BICDL2: variants seen among roughly 807,000 people sequenced by gnomAD.
BICDL2 encodes the protein BICD family like cargo adaptor 2.
Under a neutral mutation model 56.6 loss-of-function variants are expected in BICDL2, and 62 were observed. The observed-to-expected ratio is 1.10, with a 90% CI of 0.89 to 1.35. The LOEUF (loss-of-function observed/expected upper bound fraction) is 1.35, where lower values mean the gene tolerates loss of function less well. Ranked by LOEUF, BICDL2 falls within the 40% of genes most tolerant of loss-of-function variation. The pLI, the probability that BICDL2 is intolerant of heterozygous loss-of-function variation, is 0.00. For synonymous variants in BICDL2, 358 were observed against 319.8 expected (o/e 1.12, Z -1.27); for missense variants, 808 against 684.5 (o/e 1.18, Z -2.01).
In BICDL2 at chr16:3,029,203, G is replaced by A. The variant is rs576703580; in HGVS notation, c.1107+77C>T. ...AGGTATAGGGAGCTTAGTGGGCAAA[G>A]GCTGGGAGGTGGACATGGGAGACAG... is the stretch of plus-strand genomic sequence containing the variant. On this transcript the variant is annotated intron_variant, in intron 7 of 9. Transcript: ENST00000572449. The A allele has an allele frequency of 7.8e-6, 12 of 1,537,966 alleles. No homozygotes were observed. The South Asian group carries it at 9.5e-5, about 12-fold the overall frequency.
chr16:3,030,983 G>A lies in BICDL2; in HGVS notation c.450C>T (p.Leu150=). Reference sequence around the variant, plus strand: ...GGAGGTTCTGCTCGCTGAGCTCGCTGAGGGCCCGTGCCCGTTCTCGCCCAC... The same window carrying A: ...GGAGGTTCTGCTCGCTGAGCTCGCTAAGGGCCCGTGCCCGTTCTCGCCCAC... The part of the protein sequence containing the change: ...QDSGRERARA[L]SELSEQNLRL... The change falls in exon 3 of 10, where the codon CTC becomes CTT. Residue 150 remains leucine, a synonymous_variant. Transcript: ENST00000572449. The A allele has an allele frequency of 6.4e-7, 1 of 1,553,436 alleles. No homozygotes were observed. The highest frequency in any genetic ancestry group is 1.9e-5 in the Admixed American group (1 of 52,724).
Position 3,035,514 on chromosome 16 carries a change from C to A in BICDL2, c.-18G>T. ...GAGCTCATGTCACCTGCAGCATCTGCGGGGACAGGTGGCTGCGGGACACTC... is the reference window on the plus strand; with the variant it reads ...GAGCTCATGTCACCTGCAGCATCTGAGGGGACAGGTGGCTGCGGGACACTC... On this transcript the variant is annotated 5_prime_UTR_variant, in exon 2 of 10. Transcript: ENST00000572449. 6.3e-7 allele frequency: 1 copy of A among 1,596,240 alleles called. No individual in the cohort carries two copies.
chr16:3,030,569 C>G lies in BICDL2; in HGVS notation c.642G>C (p.Gln214His), dbSNP rs1315091474. 1.3e-6 allele frequency: 2 copies of G among 1,596,578 alleles called. No homozygotes were observed. The highest frequency in any genetic ancestry group is 1.7e-6 in the Non-Finnish European group (2 of 1,175,690). ...GENQMLQSRR[Q>H]DLEAQIRGLR... ...GGCCTCGGATCTGGGCCTCCAGGTC[C>G]TGCCGGCGGCTCTGCAGCATCTGGT... The change falls in exon 5 of 10, where the codon CAG (glutamine) becomes CAC (histidine). Residue 214 changes from glutamine (Q) to histidine (H), a missense_variant. Coordinates refer to ENST00000572449, the MANE Select transcript of BICDL2 (RefSeq NM_001369667.1).
intron 7 of BICDL2, 76 bp downstream of exon 7, chr16:3,029,204 G>A: frequency 6.5e-7 from 1 of 1,537,480 alleles, no homozygotes; most frequent in Non-Finnish European, 8.8e-7. Flanking sequence ...GTGGGCAAAG[G>A]CTGGGAGGTG....
rs73483555 is a variant in BICDL2 at position 3,031,561 on chromosome 16, A to C, written c.283-411T>G. 2,610 of 417,240 alleles carry C rather than the reference A, an allele frequency of 6.3e-3. 54 individuals are homozygous for C. Among genetic ancestry groups the C allele is most frequent in the African/African-American group, 0.047 (2,306 of 48,994 alleles). 25.8% of individuals were successfully genotyped at this position (417,240 alleles called of 1,614,324 possible). A position where few individuals can be genotyped will look rare whatever the true frequency, so the allele number is the denominator to read the frequency against. On this transcript the variant is annotated intron_variant, in intron 2 of 9. Transcript: ENST00000572449. Reference sequence around the variant, plus strand: ...CTGGACTCTGCCCAGCCCCCTCCCCAGCTCCTCCTAGCCAGTTCCCTCTAA... The same window carrying C: ...CTGGACTCTGCCCAGCCCCCTCCCCCGCTCCTCCTAGCCAGTTCCCTCTAA...
Position 3,029,751 on chromosome 16 carries a change from C to T in BICDL2, c.763-12G>A, listed in dbSNP as rs1191190458. On this transcript the variant is annotated splice_polypyrimidine_tract_variant and intron_variant, in intron 5 of 9. Coordinates refer to ENST00000572449, the MANE Select transcript of BICDL2 (RefSeq NM_001369667.1). ...CGTGCGCGTTCCAGCTGTGGACGGTCCCGCAGACGGAAGCGCGGGCGGTCA... is the reference window on the plus strand; with the variant it reads ...CGTGCGCGTTCCAGCTGTGGACGGTTCCGCAGACGGAAGCGCGGGCGGTCA... The T allele has an allele frequency of 9.6e-6, 14 of 1,463,958 alleles. No homozygotes were observed. The highest frequency in any genetic ancestry group is 2.8e-5 in the Admixed American group (1 of 35,680). 90.7% of individuals were successfully genotyped at this position (1,463,958 alleles called of 1,614,324 possible). A position where few individuals can be genotyped will look rare whatever the true frequency, so the allele number is the denominator to read the frequency against.
At chr16:3,030,291 C>T (rs1012390374) in intron 5 of BICDL2, 158 bp downstream of exon 5, 1 of 899,410 alleles carries the variant, frequency 1.1e-6, no homozygotes, top group South Asian at 1.8e-5. Flanking sequence ...TGCTCAACAG[C>T]CTTCCGTGGC....
chr16:3,028,437 C>G lies in BICDL2; in HGVS notation c.1270G>C (p.Val424Leu), dbSNP rs533118822. The G allele has an allele frequency of 9.6e-6, 15 of 1,563,988 alleles. 2 individuals are homozygous for G. The African/African-American group carries it at 1.9e-4, about 20-fold the overall frequency. Residue 424 changes from valine (V) to leucine (L), a missense_variant, in exon 9 of 10, where the codon GTC (valine) becomes CTC (leucine). Coordinates refer to ENST00000572449, the MANE Select transcript of BICDL2 (RefSeq NM_001369667.1). The stretch of plus-strand genomic sequence containing the variant: ...GACAGGGAGTCTCGCTCCAGCGAGA[C>G]GCGGTTGAGCTGCAGGGACAGCTCC... The part of the protein sequence containing the change: ...ALELSLQLNR[V>L]SLERDSLSRE...
Position 3,035,334 on chromosome 16 carries a change from G to C in BICDL2, c.163C>G (p.Gln55Glu), listed in dbSNP as rs7204908. 0.35 allele frequency: 560,031 copies of C among 1,591,280 alleles called. 100,877 individuals are homozygous for C. The highest frequency in any genetic ancestry group is 0.41 in the Admixed American group (23,373 of 56,614). ...AACAGCAGGTCTTTCTCCTTCTGCT[G>C]CAGCTGCAAGGCTAGGTCCTCGGGC... ...EEPEDLALQL[Q>E]QKEKDLLLAA... The change falls in exon 2 of 10, where the codon CAG becomes GAG. Residue 55 changes from glutamine (Q) to glutamate (E), a missense_variant. Coordinates refer to ENST00000572449, the MANE Select transcript of BICDL2 (RefSeq NM_001369667.1).
intron 2 of BICDL2, chr16:3,031,376 G>C (rs1023738083): frequency 1.7e-6 from 1 of 580,670 alleles, no homozygotes; most frequent in African/African-American, 1.9e-5. Context: ...CCGGGGCAAG[G>C]GTTGGGGTGG....
chr16:3,035,213 A>C lies in BICDL2; in HGVS notation c.282+2T>G. On this transcript the variant is annotated splice_donor_variant, in intron 2 of 9. Coordinates refer to ENST00000572449, the MANE Select transcript of BICDL2 (RefSeq NM_001369667.1). LOFTEE classifies it high-confidence loss of function. ...CACCCACCCCGTCCAGTGCTAGCTC[A>C]CTTCCTCACGCTCCAAGTGCTGGGC... The C allele has an allele frequency of 8.8e-6, 6 of 680,946 alleles. No individual in the cohort carries two copies. Among genetic ancestry groups the C allele is most frequent in the Non-Finnish European group, 1.1e-5 (6 of 538,726 alleles). The allele number at this position is 680,946 out of a possible 1,614,324, so 42.2% of individuals were successfully genotyped here. A position where few individuals can be genotyped will look rare whatever the true frequency, so the allele number is the denominator to read the frequency against.
intron 2 of BICDL2, 84 bp from the exon 3 acceptor site, chr16:3,031,234 G>GAC: frequency 8.3e-7 from 1 of 1,208,654 alleles, no homozygotes. Context: ...TGGAGGGACA[G>GAC]ACACCTAGGG....
At chr16:3,033,481 G>T (rs1955685059) in intron 2 of BICDL2, among the ~76,000 whole-genome samples, 1 of 151,796 alleles carries the variant, frequency 6.6e-6, no homozygotes, top group Non-Finnish European at 1.5e-5. Context: ...GGGGGAATTT[G>T]TTCACTCAAG....
At position 3,029,730 on chromosome 16, in the gene BICDL2, C is replaced by T. The variant is rs764803591; in HGVS notation, c.772G>A (p.Ala258Thr). The change falls in exon 6 of 10, where the codon GCA becomes ACA. Residue 258 changes from alanine to threonine, a missense_variant. Transcript: ENST00000572449. Reference sequence around the variant, plus strand: ...AGCGCCTCCCCAGCCTCTGACCGTGCGCGTTCCAGCTGTGGACGGTCCCGC... The same window carrying T: ...AGCGCCTCCCCAGCCTCTGACCGTGTGCGTTCCAGCTGTGGACGGTCCCGC... ...RREHSLELER[A>T]RSEAGEALSA... 8 of 1,527,500 alleles carry T rather than the reference C, an allele frequency of 5.2e-6. No individual in the cohort carries two copies. The Admixed American group carries it at 1.2e-4, about 24-fold the overall frequency. The allele number at this position is 1,527,500 out of a possible 1,614,324, so 94.6% of individuals were successfully genotyped here.
chr16:3,036,410 G>C (rs1355720558), intron 1 of BICDL2: 2 of 455,018 alleles, frequency 4.4e-6, no homozygotes, highest in African/African-American at 2.0e-5. Context: ...CAGAGGGCCC[G>C]ACACAACAGC....
chr16:3,035,399 C>T lies in BICDL2; in HGVS notation c.98G>A (p.Arg33Gln), dbSNP rs780687455. The change falls in exon 2 of 10, where the codon CGG (arginine) becomes CAG (glutamine). Residue 33 changes from arginine (R) to glutamine (Q), a missense_variant. Coordinates refer to ENST00000572449, the MANE Select transcript of BICDL2 (RefSeq NM_001369667.1). ...DEGFFPFVLE[R>Q]RDSFLGGGPG... ...GCCCCCTCCCAGGAATGAGTCCCGC[C>T]GCTCCAGCACAAAGGGGAAGAAGCC... 17 of 1,612,022 alleles carry T rather than the reference C, an allele frequency of 1.1e-5. No homozygotes were observed. Among genetic ancestry groups the T allele is most frequent in the South Asian group, 6.6e-5 (6 of 90,928 alleles).
Position 3,030,532 on chromosome 16 carries a change from C to T in BICDL2, c.679G>A (p.Val227Met). ...TGCAGTCTGCCCTCACCCTTCTCCACCTCCTCACGCAGGCCTCGGATCTGG... is the reference window on the plus strand; with the variant it reads ...TGCAGTCTGCCCTCACCCTTCTCCATCTCCTCACGCAGGCCTCGGATCTGG... ...EAQIRGLREE[V>M]EKGEGRLQTT... Residue 227 changes from valine (V) to methionine (M), a missense_variant, in exon 5 of 10, where the codon GTG (valine) becomes ATG (methionine). By Grantham distance (21) the Val-to-Met change is conservative. Coordinates refer to ENST00000572449, the MANE Select transcript of BICDL2 (RefSeq NM_001369667.1). 1.9e-6 allele frequency: 3 copies of T among 1,601,718 alleles called. No individual in the cohort carries two copies. The highest frequency in any genetic ancestry group is 1.3e-5 in the African/African-American group (1 of 74,996).
In BICDL2 at chr16:3,028,279, G is replaced by C; in HGVS notation, c.1360-6C>G. 3 of 1,492,292 alleles carry C rather than the reference G, an allele frequency of 2.0e-6. No individual in the cohort carries two copies. Among genetic ancestry groups the C allele is most frequent in the South Asian group, 1.3e-5 (1 of 75,466 alleles). The allele number at this position is 1,492,292 out of a possible 1,614,324, so 92.4% of individuals were successfully genotyped here. ...ATCACCACCTGCATGTCGTCCTGCG[G>C]GAGGCCGTGGTCGGCTCAGCGCCGG... On this transcript the variant is annotated splice_region_variant and splice_polypyrimidine_tract_variant and intron_variant, in intron 9 of 9. Coordinates refer to ENST00000572449, the MANE Select transcript of BICDL2 (RefSeq NM_001369667.1).
rs1399142100 is a variant in BICDL2 at position 3,035,462 on chromosome 16, C to A, written c.35G>T (p.Gly12Val). 7 of 1,611,564 alleles carry A rather than the reference C, an allele frequency of 4.3e-6. No individual in the cohort carries two copies. The African/African-American group carries it at 9.4e-5, about 22-fold the overall frequency. Residue 12 changes from glycine (G) to valine (V), a missense_variant, in exon 2 of 10, where the codon GGG (glycine) becomes GTG (valine). Coordinates refer to ENST00000572449, the MANE Select transcript of BICDL2 (RefSeq NM_001369667.1). ...SSPDGPSFPS[G>V]PLSGGASPSG... ...GGGAGAGGCGCCCCCTGAGAGCGGC[C>A]CGGACGGGAAGCTGGGCCCATCTGG... is the stretch of plus-strand genomic sequence containing the variant.
Sources: gnomAD v4.1 joint callset for allele counts (sites outside exome capture counted in the v4.1 genomes callset) on GRCh38, gnomAD v4.1.1 for gene constraint, MANE v1.5 for transcripts, NCBI Gene and HGNC (gene_info 2026-07-23, HGNC 2026-07-21) for gene names.